ZNF257: variants seen among roughly 807,000 people sequenced by gnomAD.
The protein encoded by ZNF257 is zinc finger protein 257, also known as bone marrow zinc finger 4.
A neutral mutation model predicts 11.9 loss-of-function variants in ZNF257; 12 were observed. The observed-to-expected ratio is 1.01, with a 90% confidence interval of 0.65 to 1.63. The LOEUF (loss-of-function observed/expected upper bound fraction) is 1.63, where lower values mean the gene tolerates loss of function less well. Among genes scored for constraint, ZNF257 ranks in the 40% most tolerant of loss-of-function variants. The pLI is 0.00. For synonymous variants in ZNF257, 183 were observed against 222.7 expected (o/e 0.82, Z 1.59); for missense variants, 580 against 665.5 (o/e 0.87, Z 1.41).
chr19:22,056,604 T>C (rs909891398), intron 1 of ZNF257, among the ~76,000 whole-genome samples: 9 of 151,412 alleles, frequency 5.9e-5, no homozygotes, highest in African/African-American at 2.2e-4. Flanking sequence ...GCCTCCCGAG[T>C]AGCTGGGACT....
chr19:22,081,006 T>C (rs934810649), intron 3 of ZNF257, among the ~76,000 whole-genome samples: 38 of 151,476 alleles, frequency 2.5e-4, no homozygotes, highest in African/African-American at 9.2e-4. Flanking sequence ...GCCTCCCGAG[T>C]TGCTGGGACT....
At chr19:22,053,180 C>A (rs1971740385) in intron 1 of ZNF257, among the ~76,000 whole-genome samples, 1 of 151,536 alleles carries the variant, frequency 6.6e-6, no homozygotes, top group Non-Finnish European at 1.5e-5. Context: ...ACCATTCTGG[C>A]CAATATGGTG....
At position 22,089,049 on chromosome 19, in the gene ZNF257, T is replaced by C; in HGVS notation, c.1299T>C (p.Cys433=). ...IIHTGEKPYK[C]EECGKAFNRS... is the part of the protein sequence containing the mutation. ...ATACTGGAGAGAAACCCTACAAATG[T>C]GAAGAGTGTGGCAAAGCCTTTAACC... Residue 433 remains cysteine, a synonymous_variant, in exon 4 of 4, where the codon TGT becomes TGC. Coordinates refer to ENST00000594947, the MANE Select transcript of ZNF257 (RefSeq NM_033468.4). 4 of 1,613,772 alleles carry C rather than the reference T, an allele frequency of 2.5e-6. No homozygotes were observed. The highest frequency in any genetic ancestry group is 3.4e-6 in the Non-Finnish European group (4 of 1,179,854).
At chr19:22,066,985 C>T (rs1446047577) in intron 1 of ZNF257, among the ~76,000 whole-genome samples, 1 of 151,666 alleles carries the variant, frequency 6.6e-6, no homozygotes, top group Non-Finnish European at 1.5e-5. Flanking sequence ...GTTATATATT[C>T]CAGACACTGT....
rs1406724507 is a variant in ZNF257 at position 22,090,773 on chromosome 19, A to G, written c.*1331A>G. The G allele has an allele frequency of 6.6e-6, 1 of 152,160 alleles. No homozygotes were observed. Among genetic ancestry groups the G allele is most frequent in the Non-Finnish European group, 1.5e-5 (1 of 68,024 alleles). 9.4% of individuals were successfully genotyped at this position (152,160 alleles called of 1,614,324 possible). ...AAATAATGATGTAAGTCAACTCTCA[A>G]ATTACTTCATGCTGTTTCTTCATTT... On this transcript the variant is annotated 3_prime_UTR_variant, in exon 4 of 4. Coordinates refer to ENST00000594947, the MANE Select transcript of ZNF257 (RefSeq NM_033468.4).
intron 1 of ZNF257, chr19:22,064,027 A>T (rs77676425): frequency 5.1e-4 from 77 of 152,238 alleles, no homozygotes; most frequent in African/African-American, 1.8e-3. Flanking sequence ...ATTCATGTGT[A>T]CCCATGGAAT....
At chr19:22,083,062 CA>C (rs762732013) in intron 3 of ZNF257, among the ~76,000 whole-genome samples, 63 of 151,880 alleles carry the variant, frequency 4.1e-4, no homozygotes, top group Non-Finnish European at 7.8e-4. Context: ...TGAGTAGCCA[CA>C]AAAATTCTCC....
At chr19:22,084,820 C>T (rs2022438437) in intron 3 of ZNF257, among the ~76,000 whole-genome samples, 1 of 150,872 alleles carries the variant, frequency 6.6e-6, no homozygotes, top group South Asian at 2.1e-4. Context: ...ACTCCTGCCT[C>T]CCGGGTTCAA....
At chr19:22,068,639 G>A (rs1039774669) in intron 1 of ZNF257, among the ~76,000 whole-genome samples, 6 of 152,110 alleles carry the variant, frequency 3.9e-5, no homozygotes, top group African/African-American at 1.4e-4. Context: ...AGAGGATCCT[G>A]GTGTAAACAG....
rs1477462345 is a variant in ZNF257 at position 22,090,186 on chromosome 19, ATT to A, written c.*745_*746del. On this transcript the variant is annotated 3_prime_UTR_variant, in exon 4 of 4. Transcript: ENST00000594947. ...CAGAGAGTTCATACTTAATAAAAGT[ATT>A]ATAAATACAATTACTGTCAAATGAT... is the stretch of plus-strand genomic sequence containing the variant. The A allele has an allele frequency of 6.6e-6, 1 of 152,140 alleles. No homozygotes were observed. The highest frequency in any genetic ancestry group is 1.5e-5 in the Non-Finnish European group (1 of 68,004). The allele number at this position is 152,140 out of a possible 1,614,324, so 9.4% of individuals were successfully genotyped here.
Position 22,088,530 on chromosome 19 carries a change from A to G in ZNF257, c.780A>G (p.Glu260=). The G allele has an allele frequency of 6.2e-7, 1 of 1,613,606 alleles. No homozygotes were observed. ...CTAGAGAGAAACCCTACAAATGTGAAGAGTGTGGCAAAGCCTTTAACCGGT... is the reference window on the plus strand; with the variant it reads ...CTAGAGAGAAACCCTACAAATGTGAGGAGTGTGGCAAAGCCTTTAACCGGT... ...IHTREKPYKC[E]ECGKAFNRSS... Residue 260 remains glutamate, a synonymous_variant, in exon 4 of 4, where the codon GAA becomes GAG. Transcript: ENST00000594947.
chr19:22,074,247 A>T (rs1287644956), intron 3 of ZNF257: 2 of 151,978 alleles, frequency 1.3e-5, no homozygotes, highest in African/African-American at 4.8e-5. Flanking sequence ...AAACATTTTC[A>T]AATTTATTTT....
At chr19:22,084,235 T>C (rs16998834) in intron 3 of ZNF257, among the ~76,000 whole-genome samples, 21,276 of 152,128 alleles carry the variant, frequency 0.14, 1,625 homozygotes, top group Middle Eastern at 0.2. Flanking sequence ...TAGCATTGTT[T>C]TTAACTATTG....
At chr19:22,083,528 C>G (rs933494812) in intron 3 of ZNF257, among the ~76,000 whole-genome samples, 5 of 152,192 alleles carry the variant, frequency 3.3e-5, no homozygotes, top group Middle Eastern at 3.4e-3. Flanking sequence ...TTTTACTTGT[C>G]AAAAACACAT....
rs983608640 is a variant in ZNF257 at position 22,080,910 on chromosome 19, C to T, written c.227-7067C>T. Among the ~76,000 whole-genome samples the T allele has an allele frequency of 2.0e-5, 3 of 147,912 alleles. No homozygotes were observed. The Admixed American group carries it at 2.0e-4, about 10-fold the overall frequency. On this transcript the variant is annotated intron_variant, in intron 3 of 3. Coordinates refer to ENST00000594947, the MANE Select transcript of ZNF257 (RefSeq NM_033468.4). ...TTTTTTTTTTTGAGATAGAGTCTTG[C>T]TTTGTTGCCCAGGCTGGAGTGCAGT...
chr19:22,056,833 A>G (rs2021656163), intron 1 of ZNF257, among the ~76,000 whole-genome samples: 1 of 152,172 alleles, frequency 6.6e-6, no homozygotes, highest in African/African-American at 2.4e-5. Context: ...TTCAAACGCA[A>G]TTCCAAGGCT....
At chr19:22,062,078 T>TTTA (rs2021810755) in intron 1 of ZNF257, among the ~76,000 whole-genome samples, 1 of 147,026 alleles carries the variant, frequency 6.8e-6, no homozygotes, top group Non-Finnish European at 1.5e-5. Flanking sequence ...TTTTTTTTTT[T>TTTA]GAGACAGAGA....
At chr19:22,052,941 T>G (rs1314740038) in intron 1 of ZNF257, among the ~76,000 whole-genome samples, 1 of 152,086 alleles carries the variant, frequency 6.6e-6, no homozygotes, top group African/African-American at 2.4e-5. Flanking sequence ...AGGAGAGTCG[T>G]CAGGGGAGAA....
intron 1 of ZNF257, among the ~76,000 whole-genome samples, chr19:22,059,408 T>A (rs1041788250): frequency 1.5e-4 from 23 of 152,176 alleles, no homozygotes; most frequent in Admixed American, 1.4e-3. Flanking sequence ...TTTATTATTA[T>A]TTTTTGAGAC....
Sources: gnomAD v4.1 joint callset for allele counts (sites outside exome capture counted in the v4.1 genomes callset) on GRCh38, gnomAD v4.1.1 for gene constraint, MANE v1.5 for transcripts, NCBI Gene and HGNC (gene_info 2026-07-23, HGNC 2026-07-21) for gene names.